Variants in INPP4B observed in about 807,000 individuals in gnomAD.
INPP4B encodes inositol polyphosphate-4-phosphatase type II B, also known as inositol polyphosphate 4-phosphatase type II.
Under a neutral mutation model 122.5 loss-of-function variants are expected in INPP4B, and 55 were observed. That is an observed-to-expected ratio of 0.45 (90% CI 0.36 to 0.56). INPP4B has a LOEUF of 0.56. Ranked by LOEUF, INPP4B falls within the 20% of genes least tolerant of loss-of-function variation. INPP4B has a pLI of 0.00. For missense variants in INPP4B, 1,000 were observed against 1,097.7 expected (o/e 0.91, Z 1.26); for synonymous variants, 403 against 388.7 (o/e 1.04, Z -0.43).
chr4:142,364,566 CAAAAG>C (rs1174994148), intron 7 of INPP4B, among the ~76,000 whole-genome samples: 1 of 151,982 alleles, frequency 6.6e-6, no homozygotes, highest in Non-Finnish European at 1.5e-5. Context: ...TTTAAAAAGA[CAAAAG>C]ACAAAGGAAG....
chr4:142,663,968 A>G (rs1326010780), intron 2 of INPP4B, among the ~76,000 whole-genome samples: 1 of 152,230 alleles, frequency 6.6e-6, no homozygotes, highest in Non-Finnish European at 1.5e-5. Flanking sequence ...CAAAAAGATG[A>G]CTAAGAAATG....
intron 15 of INPP4B, among the ~76,000 whole-genome samples, chr4:142,178,939 A>C (rs1829560671): frequency 6.6e-6 from 1 of 152,106 alleles, no homozygotes; most frequent in East Asian, 1.9e-4. Flanking sequence ...GAAAATTCAC[A>C]CTTTAGTGTA....
At chr4:142,188,516 A>ATATATATATATATATAT (rs1381172815) in intron 15 of INPP4B, among the ~76,000 whole-genome samples, 2 of 116,180 alleles carry the variant, frequency 1.7e-5, no homozygotes, top group Admixed American at 9.8e-5. Context: ...AAAAAGAAAA[A>ATATATATATATATATAT]AAATATATAT....
chr4:142,531,106 G>C (rs1365242061), intron 2 of INPP4B, among the ~76,000 whole-genome samples: 2 of 151,984 alleles, frequency 1.3e-5, no homozygotes, highest in Non-Finnish European at 2.9e-5. Flanking sequence ...ATGTTGGTTT[G>C]GACTAGAGCT....
At chr4:142,290,721 C>T (rs1414138428) in intron 9 of INPP4B, among the ~76,000 whole-genome samples, 6 of 152,168 alleles carry the variant, frequency 3.9e-5, no homozygotes, top group African/African-American at 1.4e-4. Context: ...TCTAATGCCA[C>T]ATTTCCAATG....
rs1202223290 is a variant in INPP4B at position 142,498,128 on chromosome 4, C to T, written c.-190-35402G>A. ...GTGTGTGTATATATATATACACACA[C>T]ACATATATGTATACATACATATGTG... is the stretch of plus-strand genomic sequence containing the variant. On this transcript the variant is annotated intron_variant, in intron 2 of 25. Transcript: ENST00000262992. Among the ~76,000 whole-genome samples, 1,008 of 150,096 alleles carry T rather than the reference C, an allele frequency of 6.7e-3. 13 individuals are homozygous for T. The highest frequency in any genetic ancestry group is 0.023 in the African/African-American group (957 of 40,732).
intron 2 of INPP4B, among the ~76,000 whole-genome samples, chr4:142,522,577 C>T (rs1044348797): frequency 1.3e-5 from 2 of 151,856 alleles, no homozygotes; most frequent in Admixed American, 1.3e-4. Flanking sequence ...TCATCATATG[C>T]CAAGTCTGTA....
At chr4:142,567,422 G>A (rs2150145690) in intron 2 of INPP4B, among the ~76,000 whole-genome samples, 1 of 152,142 alleles carries the variant, frequency 6.6e-6, no homozygotes, top group East Asian at 1.9e-4. Flanking sequence ...CCTCCCAGTG[G>A]GTGGTGAAAG....
At chr4:142,804,773 C>T (rs1195848106) in intron 1 of INPP4B, among the ~76,000 whole-genome samples, 1 of 152,122 alleles carries the variant, frequency 6.6e-6, no homozygotes, top group Non-Finnish European at 1.5e-5. Flanking sequence ...CTCAGGTGAT[C>T]CTTCCACCTC....
chr4:142,181,506 G>A (rs911092205), intron 15 of INPP4B, among the ~76,000 whole-genome samples: 2 of 152,028 alleles, frequency 1.3e-5, no homozygotes, highest in African/African-American at 2.4e-5. Flanking sequence ...GATGTCTTCT[G>A]CATACATGTC....
intron 2 of INPP4B, among the ~76,000 whole-genome samples, chr4:142,482,160 G>A (rs1415139690): frequency 6.6e-6 from 1 of 152,034 alleles, no homozygotes. Context: ...CATTCCTTAG[G>A]AATTTTATAT....
chr4:142,759,319 C>T (rs1770954745), intron 1 of INPP4B, among the ~76,000 whole-genome samples: 1 of 152,116 alleles, frequency 6.6e-6, no homozygotes, highest in African/African-American at 2.4e-5. Flanking sequence ...ACCTTAGTTT[C>T]CTTCCAAGTT....
chr4:142,837,832 A>G (rs1166478546), intron 1 of INPP4B, among the ~76,000 whole-genome samples: 1 of 152,054 alleles, frequency 6.6e-6, no homozygotes, highest in Non-Finnish European at 1.5e-5. Context: ...CACTCCTAAG[A>G]AAAATAATGA....
intron 21 of INPP4B, among the ~76,000 whole-genome samples, chr4:142,114,182 G>A (rs983888064): frequency 1.8e-4 from 27 of 151,842 alleles, no homozygotes; most frequent in African/African-American, 1.7e-4. Flanking sequence ...CTATTGTATC[G>A]ATATCACTTT....
chr4:142,770,443 C>T (rs1772871043), intron 1 of INPP4B, among the ~76,000 whole-genome samples: 1 of 151,920 alleles, frequency 6.6e-6, no homozygotes, highest in African/African-American at 2.4e-5. Flanking sequence ...TCCTTTTTTT[C>T]AGTGAATTAA....
At chr4:142,042,472 C>T (rs1748297097) in intron 25 of INPP4B, among the ~76,000 whole-genome samples, 1 of 151,940 alleles carries the variant, frequency 6.6e-6, no homozygotes, top group African/African-American at 2.4e-5. Context: ...AAACTTGTTT[C>T]TCAAGTTTTT....
chr4:142,195,524 G>T (rs1278715010), intron 14 of INPP4B, among the ~76,000 whole-genome samples: 2 of 152,176 alleles, frequency 1.3e-5, no homozygotes, highest in African/African-American at 4.8e-5. Flanking sequence ...TGTGGTGATA[G>T]TTTCATGCGG....
intron 12 of INPP4B, among the ~76,000 whole-genome samples, chr4:142,235,957 T>C (rs1856533052): frequency 6.6e-6 from 1 of 152,226 alleles, no homozygotes; most frequent in African/African-American, 2.4e-5. Context: ...ATAGAATAAA[T>C]TATTGTTAAC....
intron 2 of INPP4B, among the ~76,000 whole-genome samples, chr4:142,551,763 CA>C (rs1180196817): frequency 6.6e-6 from 1 of 151,998 alleles, no homozygotes; most frequent in African/African-American, 2.4e-5. Flanking sequence ...GACATATGGC[CA>C]ACAGAATGTC....
Sources: allele counts gnomAD v4.1 joint callset (sites outside exome capture counted in the v4.1 genomes callset), GRCh38; gene constraint gnomAD v4.1.1; transcripts MANE v1.5; gene names NCBI Gene and HGNC (gene_info 2026-07-23, HGNC 2026-07-21).